Variants in SEZ6L observed in about 807,000 individuals in gnomAD.
SEZ6L encodes the protein seizure 6-like protein.
Under a neutral mutation model 106.2 loss-of-function variants are expected in SEZ6L, and 37 were observed. The observed-to-expected ratio is 0.35, with a 90% CI of 0.27 to 0.46. The LOEUF (loss-of-function observed/expected upper bound fraction) is 0.46, where lower values mean the gene tolerates loss of function less well. Ranked by LOEUF, SEZ6L falls within the 20% of genes least tolerant of loss-of-function variation. The pLI, the probability that SEZ6L is intolerant of heterozygous loss-of-function variation, is 1.00. For synonymous variants in SEZ6L, 541 were observed against 570.4 expected (o/e 0.95, Z 0.73); for missense variants, 1,172 against 1,332.8 (o/e 0.88, Z 1.88).
chr22:26,344,306 C>T (rs1301905993), intron 10 of SEZ6L, among the ~76,000 whole-genome samples: 2 of 152,182 alleles, frequency 1.3e-5, no homozygotes, highest in African/African-American at 4.8e-5. Flanking sequence ...CTGTTCTTTG[C>T]CCACTGTCTA....
In SEZ6L at chr22:26,368,259, C is replaced by A. The variant is rs528262157; in HGVS notation, c.2794+2693C>A. On this transcript the variant is annotated intron_variant, in intron 13 of 16. Transcript: ENST00000248933. ...AGTTTGTCCACTCCGAGGTATATTT[C>A]CAAAAGAAGTGAAACAGGTATTTAA... Among the ~76,000 whole-genome samples, 3 of 152,256 alleles carry A rather than the reference C, an allele frequency of 2.0e-5. No individual in the cohort carries two copies. In the South Asian group the frequency reaches 6.2e-4, roughly 32 times the overall value.
intron 1 of SEZ6L, among the ~76,000 whole-genome samples, chr22:26,267,937 C>T (rs936278769): frequency 1.3e-5 from 2 of 152,184 alleles, no homozygotes; most frequent in Non-Finnish European, 2.9e-5. Context: ...GCATCTGGAC[C>T]ATTGGCATCA....
intron 12 of SEZ6L, among the ~76,000 whole-genome samples, chr22:26,357,111 C>T (rs1294549790): frequency 6.6e-6 from 1 of 152,142 alleles, no homozygotes; most frequent in Non-Finnish European, 1.5e-5. Context: ...GCCACCACGC[C>T]TGGCTAATTT....
In SEZ6L at chr22:26,365,448, G is replaced by T. The variant is rs142020765; in HGVS notation, c.2676G>T (p.Leu892=). 3.7e-6 allele frequency: 6 copies of T among 1,614,030 alleles called. No individual in the cohort carries two copies. Among genetic ancestry groups the T allele is most frequent in the Non-Finnish European group, 5.1e-6 (6 of 1,180,012 alleles). ...GYQILYKRLY[L]PGESLTFMCY... ...AAATCCTGTACAAGCGACTCTACCT[G>T]CCAGGAGAGTCCCTCACCTTCATGT... is the stretch of plus-strand genomic sequence containing the variant. The change falls in exon 13 of 17, where the codon CTG becomes CTT. Residue 892 remains leucine (L), a synonymous_variant. Transcript: ENST00000248933.
At position 26,175,446 on chromosome 22, in the gene SEZ6L, T is replaced by G. The variant is rs187399706; in HGVS notation, c.94+5683T>G. On this transcript the variant is annotated intron_variant, in intron 1 of 16. Transcript: ENST00000248933. The stretch of plus-strand genomic sequence containing the variant: ...TTTAAATCCTTGGTGCCTTCCAAGC[T>G]GGGTCCTTCTGTATTTCTAAATGAA... Among the ~76,000 whole-genome samples the G allele has an allele frequency of 1.7e-3, 254 of 152,322 alleles. 1 individual carries two copies. The highest frequency in any genetic ancestry group is 2.8e-3 in the Non-Finnish European group (192 of 68,030).
intron 1 of SEZ6L, among the ~76,000 whole-genome samples, chr22:26,276,230 C>T (rs1456122503): frequency 6.6e-6 from 1 of 152,228 alleles, no homozygotes; most frequent in African/African-American, 2.4e-5. Context: ...TGCTTTACCC[C>T]AGTGTTTCTT....
chr22:26,374,915 C>T (rs573150677), intron 14 of SEZ6L, among the ~76,000 whole-genome samples: 1 of 152,188 alleles, frequency 6.6e-6, no homozygotes, highest in South Asian at 2.1e-4. Context: ...CAAAACGGGC[C>T]TTCATATTTG....
At chr22:26,236,043 C>T (rs1333734210) in intron 1 of SEZ6L, among the ~76,000 whole-genome samples, 1 of 152,216 alleles carries the variant, frequency 6.6e-6, no homozygotes, top group African/African-American at 2.4e-5. Context: ...TGGATCTTGC[C>T]CCCCTGTCTC....
intron 1 of SEZ6L, among the ~76,000 whole-genome samples, chr22:26,223,788 T>C (rs2078555387): frequency 6.6e-6 from 1 of 152,188 alleles, no homozygotes; most frequent in Non-Finnish European, 1.5e-5. Flanking sequence ...ATTATTATCA[T>C]CATGGTCATT....
intron 12 of SEZ6L, among the ~76,000 whole-genome samples, chr22:26,360,155 A>G (rs1568942192): frequency 6.6e-6 from 1 of 152,212 alleles, no homozygotes; most frequent in Non-Finnish European, 1.5e-5. Flanking sequence ...TTTTAAAAAG[A>G]ATACTCTGGG....
At chr22:26,334,689 G>A (rs1359552994) in intron 9 of SEZ6L, among the ~76,000 whole-genome samples, 4 of 152,172 alleles carry the variant, frequency 2.6e-5, no homozygotes, top group African/African-American at 7.2e-5. Context: ...CTGCGACAGT[G>A]ACCAAGAAGA....
intron 14 of SEZ6L, among the ~76,000 whole-genome samples, chr22:26,375,021 G>A (rs996005611): frequency 1.3e-5 from 2 of 152,054 alleles, no homozygotes; most frequent in African/African-American, 4.8e-5. Flanking sequence ...GGTCTAGGAC[G>A]GGCCCGTCAG....
At chr22:26,349,402 G>C (rs1337081305) in intron 11 of SEZ6L, among the ~76,000 whole-genome samples, 1 of 152,196 alleles carries the variant, frequency 6.6e-6, no homozygotes, top group Admixed American at 6.5e-5. Context: ...TAAAATGATA[G>C]AATAGAAAGT....
intron 1 of SEZ6L, among the ~76,000 whole-genome samples, chr22:26,230,723 G>T (rs534083357): frequency 3.9e-5 from 6 of 152,306 alleles, no homozygotes; most frequent in African/African-American, 1.4e-4. Context: ...GAAAAGGGAG[G>T]GAGAGAGCCC....
At chr22:26,288,538 G>A (rs2081007989) in intron 1 of SEZ6L, among the ~76,000 whole-genome samples, 1 of 152,200 alleles carries the variant, frequency 6.6e-6, no homozygotes, top group African/African-American at 2.4e-5. Flanking sequence ...CTAGTAGCAT[G>A]ATCTTTGGGG....
At chr22:26,300,830 G>T (rs1254540564) in intron 5 of SEZ6L, among the ~76,000 whole-genome samples, 1 of 152,164 alleles carries the variant, frequency 6.6e-6, no homozygotes, top group African/African-American at 2.4e-5. Context: ...TTTTGTTATT[G>T]AGTTGTAAGC....
At chr22:26,175,273 G>T (rs1308807650) in intron 1 of SEZ6L, among the ~76,000 whole-genome samples, 1 of 152,142 alleles carries the variant, frequency 6.6e-6, no homozygotes, top group East Asian at 1.9e-4. Context: ...TTATTTATAG[G>T]CAACTAATTC....
At chr22:26,330,403 A>C (rs760482860) in intron 9 of SEZ6L, among the ~76,000 whole-genome samples, 1 of 152,230 alleles carries the variant, frequency 6.6e-6, no homozygotes, top group Non-Finnish European at 1.5e-5. Flanking sequence ...TTGAAAAGCC[A>C]CTTGAAAACC....
chr22:26,299,252 T>G, intron 5 of SEZ6L, 83 bp downstream of exon 5: 1 of 1,167,604 alleles, frequency 8.6e-7, no homozygotes, highest in Non-Finnish European at 1.1e-6. Context: ...GAGAGTGACC[T>G]CAGGGAATGG....
Sources: allele counts gnomAD v4.1 joint callset (sites outside exome capture counted in the v4.1 genomes callset), GRCh38; gene constraint gnomAD v4.1.1; transcripts MANE v1.5; gene names NCBI Gene and HGNC (gene_info 2026-07-23, HGNC 2026-07-21).